Variants in CMYA5 observed in about 807,000 individuals in gnomAD.
CMYA5 encodes cardiomyopathy associated 5, also known as cardiomyopathy-associated protein 5.
Under a neutral mutation model 318.9 loss-of-function variants are expected in CMYA5, and 246 were observed. The ratio of observed to expected loss-of-function variants is 0.77; its 90% CI spans 0.70 to 0.86. The LOEUF (loss-of-function observed/expected upper bound fraction) is 0.86, where lower values mean the gene tolerates loss of function less well. Ranked by LOEUF, CMYA5 falls within the 40% of genes least tolerant of loss-of-function variation. CMYA5 has a pLI of 0.00. For missense variants in CMYA5, 4,589 were observed against 4,678.2 expected (o/e 0.98, Z 0.56); for synonymous variants, 1,641 against 1,729.5 (o/e 0.95, Z 1.27).
rs767005424 is a variant in CMYA5, at chr5:79,730,779, G to T, written c.2014G>T (p.Val672Phe). The T allele has an allele frequency of 6.2e-7, 1 of 1,613,842 alleles. No homozygotes were observed. Among genetic ancestry groups the T allele is most frequent in the South Asian group, 1.1e-5 (1 of 91,062 alleles). Residue 672 changes from valine (V) to phenylalanine (F), a missense_variant, in exon 2 of 13, where the codon GTT becomes TTT. Val to Phe is a conservative substitution (Grantham distance 50). Around this residue, in one of 3 missense-constraint regions of CMYA5, gnomAD observed 2,132 missense variants for 2,131.3 expected, o/e 1.00. Transcript: ENST00000446378. ...SENQSPLFST[V>F]TPEYMVLSGD... ...GAACCAGTCTCCACTGTTTTCAACA[G>T]TTACACCAGAATACATGGTCCTATC...
rs1827856353 is a variant in CMYA5 at position 79,730,258 on chromosome 5, C to T, written c.1493C>T (p.Pro498Leu). Residue 498 changes from proline (P) to leucine (L), a missense_variant, in exon 2 of 13, where the codon CCT becomes CTT. Coordinates refer to ENST00000446378, the MANE Select transcript of CMYA5 (RefSeq NM_153610.5). The part of the protein sequence containing the change: ...MLEPSISLSE[P>L]LMLEEPEKEE... ...GAGCCATCCATTTCTCTTTCTGAAC[C>T]TCTAATGTTAGAAGAACCAGAGAAA... The T allele has an allele frequency of 6.2e-7, 1 of 1,613,854 alleles. No individual in the cohort carries two copies. Among genetic ancestry groups the T allele is most frequent in the African/African-American group, 1.3e-5 (1 of 74,916 alleles).
chr5:79,738,800 C>A lies in CMYA5; in HGVS notation c.10035C>A (p.Thr3345=), dbSNP rs1828146644. 2 of 1,613,686 alleles carry A rather than the reference C, an allele frequency of 1.2e-6. No homozygotes were observed. Among genetic ancestry groups the A allele is most frequent in the Non-Finnish European group, 1.7e-6 (2 of 1,179,852 alleles). The change falls in exon 2 of 13, where the codon ACC becomes ACA. Residue 3345 remains threonine, a synonymous_variant. Transcript: ENST00000446378. The part of the protein sequence containing the change: ...KISYAVPFED[T]HHVLERADEA... The stretch of plus-strand genomic sequence containing the variant: ...GTTATGCGGTTCCATTTGAAGACAC[C>A]CATCATGTTCTGGAGCGTGCAGATG...
chr5:79,753,492 A>T (rs761446255), intron 6 of CMYA5, among the ~76,000 whole-genome samples: 1 of 152,078 alleles, frequency 6.6e-6, no homozygotes, highest in East Asian at 1.9e-4. Flanking sequence ...ATCACCTCAA[A>T]GATTACAGCT....
In CMYA5 at chr5:79,731,022, T is replaced by C. The variant is rs1356102224; in HGVS notation, c.2257T>C (p.Ser753Pro). The C allele has an allele frequency of 6.2e-7, 1 of 1,613,974 alleles. No individual in the cohort carries two copies. Among genetic ancestry groups the C allele is most frequent in the South Asian group, 1.1e-5 (1 of 91,082 alleles). The change falls in exon 2 of 13, where the codon TCT becomes CCT. Residue 753 changes from serine to proline, a missense_variant. Transcript: ENST00000446378. ...TPAVAPASEP[S>P]LSPSTTEKTS... is the part of the protein sequence containing the mutation. Reference sequence around the variant, plus strand: ...AGCTGTGGCCCCTGCTTCTGAGCCCTCTCTCTCACCATCCACAACCGAAAA... The same window carrying C: ...AGCTGTGGCCCCTGCTTCTGAGCCCCCTCTCTCACCATCCACAACCGAAAA...
intron 9 of CMYA5, among the ~76,000 whole-genome samples, chr5:79,778,351 G>A (rs1377124752): frequency 2.6e-5 from 4 of 152,176 alleles, no homozygotes; most frequent in Non-Finnish European, 5.9e-5. Context: ...TCTCTATAGA[G>A]GTTGTAGTTG....
At position 79,729,172 on chromosome 5, in the gene CMYA5, A is replaced by G. The variant is rs371922369; in HGVS notation, c.407A>G (p.His136Arg). 3 of 1,612,742 alleles carry G rather than the reference A, an allele frequency of 1.9e-6. No individual in the cohort carries two copies. Among genetic ancestry groups the G allele is most frequent in the African/African-American group, 1.3e-5 (1 of 74,860 alleles). Residue 136 changes from histidine to arginine, a missense_variant, in exon 2 of 13, where the codon CAT (histidine) becomes CGT (arginine). Transcript: ENST00000446378. ...DEVKKVRKRTHKSKHGSPSLR... is the reference protein window; with the variant it reads ...DEVKKVRKRTRKSKHGSPSLR... The stretch of plus-strand genomic sequence containing the variant: ...GTGAAAAAGGTTCGGAAAAGGACTC[A>G]TAAGTCAAAGCATGGTTCACCATCA...
In CMYA5 at chr5:79,734,526, A is replaced by T. The variant is rs1727724639; in HGVS notation, c.5761A>T (p.Ser1921Cys). 1.9e-6 allele frequency: 3 copies of T among 1,613,642 alleles called. No individual in the cohort carries two copies. Among genetic ancestry groups the T allele is most frequent in the East Asian group, 2.2e-5 (1 of 44,888 alleles). The change falls in exon 2 of 13, where the codon AGC becomes TGC. Residue 1921 changes from serine to cysteine, a missense_variant. Ser to Cys is a moderately radical substitution (Grantham distance 112). Transcript: ENST00000446378. ...ATCTGTGCAGCTGGATTCCTCTAGC[A>T]GCAATGAGCTGAGGCCAGGGCAGCT... ...AGSVQLDSSS[S>C]NELRPGQLKA...
chr5:79,778,821 G>GTGTGTGTGTA (rs1355251705), intron 9 of CMYA5, among the ~76,000 whole-genome samples: 17 of 114,460 alleles, frequency 1.5e-4, no homozygotes, highest in East Asian at 9.4e-4. Context: ...CTGTGTGTGT[G>GTGTGTGTGTA]TGTGTGTGTG....
intron 1 of CMYA5, among the ~76,000 whole-genome samples, chr5:79,712,514 A>AT (rs1426968864): frequency 3.3e-5 from 5 of 150,870 alleles, no homozygotes; most frequent in African/African-American, 4.9e-5. Context: ...CACCCGGCCT[A>AT]TTTTTTTTCT....
chr5:79,793,699 C>G, intron 12 of CMYA5, 89 bp downstream of exon 12: 1 of 1,200,320 alleles, frequency 8.3e-7, no homozygotes, highest in Non-Finnish European at 1.2e-6. Flanking sequence ...TAAATAGCAC[C>G]CACTTCCATG....
Position 79,729,642 on chromosome 5 carries a change from G to GAATAAAGTAAAAGCAT in CMYA5, c.878_879insATAAAGTAAAAGCATA (p.Asp294Ter). The GAATAAAGTAAAAGCAT allele has an allele frequency of 6.2e-7, 1 of 1,613,836 alleles. No individual in the cohort carries two copies. The highest frequency in any genetic ancestry group is 8.5e-7 in the Non-Finnish European group (1 of 1,179,834). ...ACGCAAATTAGTAGCCCAAAGCATA[G>GAATAAAGTAAAAGCAT]AGGATAAAGTAAAAGAGGTTTTTCC... On this transcript the variant is annotated stop_gained and frameshift_variant, in exon 2 of 13. Transcript: ENST00000446378. LOFTEE classifies it high-confidence loss of function.
intron 4 of CMYA5, among the ~76,000 whole-genome samples, chr5:79,745,839 C>T (rs1241916125): frequency 6.6e-6 from 1 of 152,236 alleles, no homozygotes; most frequent in Non-Finnish European, 1.5e-5. Context: ...ACTCTCTAAG[C>T]TGAAGTGACC....
In CMYA5 at chr5:79,729,389, A is replaced by G. The variant is rs777159533; in HGVS notation, c.624A>G (p.Ile208Met). The G allele has an allele frequency of 1.4e-5, 22 of 1,613,776 alleles. No homozygotes were observed. The highest frequency in any genetic ancestry group is 8.0e-5 in the African/African-American group (6 of 74,942). The part of the protein sequence containing the change: ...TSNTPPITGA[I>M]YKEHKPLVLR... ...ATACACCTCCGATTACTGGGGCAAT[A>G]TACAAAGAACACAAGCCATTAGTGT... The change falls in exon 2 of 13, where the codon ATA (isoleucine) becomes ATG (methionine). Residue 208 changes from isoleucine (I) to methionine (M), a missense_variant. Ile to Met is a conservative substitution (Grantham distance 10). Transcript: ENST00000446378.
intron 9 of CMYA5, among the ~76,000 whole-genome samples, chr5:79,769,867 G>T (rs988983671): frequency 2.6e-5 from 4 of 152,208 alleles, no homozygotes; most frequent in Admixed American, 6.5e-5. Context: ...GAGCTGGCAG[G>T]CTGGAACGTT....
intron 9 of CMYA5, among the ~76,000 whole-genome samples, chr5:79,772,867 G>A (rs1828878619): frequency 6.6e-6 from 1 of 152,150 alleles, no homozygotes; most frequent in Non-Finnish European, 1.5e-5. Context: ...TCAAAATTCT[G>A]TAAAACATTA....
At position 79,736,798 on chromosome 5, in the gene CMYA5, A is replaced by G. The variant is rs1413370320; in HGVS notation, c.8033A>G (p.Glu2678Gly). The G allele has an allele frequency of 6.2e-7, 1 of 1,612,990 alleles. No homozygotes were observed. The highest frequency in any genetic ancestry group is 8.5e-7 in the Non-Finnish European group (1 of 1,179,728). Reference protein sequence around the residue: ...DHSEEKEQFRESELSKGGSVD... With the variant: ...DHSEEKEQFRGSELSKGGSVD... ...AGTGAAGAAAAAGAACAGTTCAGAG[A>G]GTCAGAGCTATCGAAAGGCGGTTCA... The change falls in exon 2 of 13, where the codon GAG becomes GGG. Residue 2678 changes from glutamate (E) to glycine (G), a missense_variant. Glu to Gly is a moderately conservative substitution (Grantham distance 98). Transcript: ENST00000446378.
rs769395760 is a variant in CMYA5, at chr5:79,763,043, C to T, written c.11408-19C>T. 1 of 1,607,192 alleles carries T rather than the reference C, an allele frequency of 6.2e-7. No individual in the cohort carries two copies. The highest frequency in any genetic ancestry group is 8.5e-7 in the Non-Finnish European group (1 of 1,175,104). On this transcript the variant is annotated intron_variant, in intron 8 of 12. Transcript: ENST00000446378. ...CAAGCTGGCATTGCTCCACGACTGT[C>T]CTGACTCTCTTTCTGCAGCACCCTC...
intron 1 of CMYA5, among the ~76,000 whole-genome samples, chr5:79,693,316 C>G (rs1376020917): frequency 6.7e-6 from 1 of 149,666 alleles, no homozygotes; most frequent in Non-Finnish European, 1.5e-5. Context: ...TGTCAGGAGT[C>G]GTTTGTTCAA....
chr5:79,736,454 T>G lies in CMYA5; in HGVS notation c.7689T>G (p.Asn2563Lys). ...AGGAACATCAGCCTTATTCTGTGAA[T>G]GTAGCCGAGTCTATGAGTAGAGAAT... ...KQQEHQPYSV[N>K]VAESMSRESD... The change falls in exon 2 of 13, where the codon AAT becomes AAG. Residue 2563 changes from asparagine to lysine, a missense_variant. Asn to Lys is a moderately conservative substitution (Grantham distance 94). Around this residue, in one of 3 missense-constraint regions of CMYA5, gnomAD observed 2,431 missense variants for 2,495.1 expected, o/e 0.97. Coordinates refer to ENST00000446378, the MANE Select transcript of CMYA5 (RefSeq NM_153610.5). 1 of 1,609,694 alleles carries G rather than the reference T, an allele frequency of 6.2e-7. No individual in the cohort carries two copies. The highest frequency in any genetic ancestry group is 8.5e-7 in the Non-Finnish European group (1 of 1,177,700).
Sources: allele counts gnomAD v4.1 joint callset (sites outside exome capture counted in the v4.1 genomes callset), GRCh38; gene constraint gnomAD v4.1.1; regional missense constraint gnomAD v4.1.1; transcripts MANE v1.5; gene names NCBI Gene and HGNC (gene_info 2026-07-23, HGNC 2026-07-21).